SVEP1: variants seen among roughly 807,000 people sequenced by gnomAD.
SVEP1 encodes sushi, von Willebrand factor type A, EGF and pentraxin domain containing 1.
Under a neutral mutation model 367.3 loss-of-function variants are expected in SVEP1, and 164 were observed. That is an observed-to-expected ratio of 0.45 (90% CI 0.39 to 0.51). SVEP1 has a LOEUF of 0.51. Ranked by LOEUF, SVEP1 falls within the 20% of genes least tolerant of loss-of-function variation. The pLI is 0.00. For missense variants in SVEP1, 4,117 were observed against 4,425.3 expected (o/e 0.93, Z 1.98); for synonymous variants, 1,666 against 1,611.6 (o/e 1.03, Z -0.81).
At position 110,566,920 on chromosome 9, in the gene SVEP1, ATCTG is replaced by A. The variant is rs567239019; in HGVS notation, c.531+12089_531+12092del. 4.6e-5 allele frequency among the ~76,000 whole-genome samples: 7 copies of A among 152,312 alleles called. No homozygotes were observed. In the East Asian group the frequency reaches 1.3e-3, roughly 29 times the overall value. Reference sequence around the variant, plus strand: ...TGTGGGAAAACAGGTAGGAGTCCACATCTGTCTGAGATCCTTCCAAACACTTTAT... The same window carrying A: ...TGTGGGAAAACAGGTAGGAGTCCACATCTGAGATCCTTCCAAACACTTTAT... On this transcript the variant is annotated intron_variant, in intron 1 of 47. Transcript: ENST00000374469.
chr9:110,481,286 C>T lies in SVEP1; in HGVS notation c.2321G>A (p.Gly774Asp), dbSNP rs767206063. Residue 774 changes from glycine to aspartate, a missense_variant, in exon 12 of 48, where the codon GGC (glycine) becomes GAC (aspartate). By Grantham distance (94) the Gly-to-Asp change is moderately conservative. Transcript: ENST00000374469. ...AGTGGTATATGTTGGTTTCCAGACG[C>T]CATCTTCATAAGCACAATAATACTT... ...TDKYYCAYED[G>D]VWKPTYTTEW... is the part of the protein sequence containing the mutation. The T allele has an allele frequency of 1.9e-6, 3 of 1,605,014 alleles. No individual in the cohort carries two copies. Among genetic ancestry groups the T allele is most frequent in the Admixed American group, 1.7e-5 (1 of 58,940 alleles).
chr9:110,445,688 T>G, intron 26 of SVEP1, 149 bp downstream of exon 26: 1 of 801,088 alleles, frequency 1.2e-6, no homozygotes, highest in Non-Finnish European at 2.0e-6. Flanking sequence ...CTTAAAGAAC[T>G]TGTTCAGATG....
chr9:110,400,229 T>C (rs1375165133), intron 40 of SVEP1, among the ~76,000 whole-genome samples: 1 of 152,218 alleles, frequency 6.6e-6, no homozygotes, highest in Non-Finnish European at 1.5e-5. Context: ...TGGACTTCCC[T>C]GTTGCAGAAT....
chr9:110,450,388 A>G, intron 23 of SVEP1, 128 bp from the exon 24 acceptor site: 12 of 941,636 alleles, frequency 1.3e-5, no homozygotes, highest in Non-Finnish European at 1.9e-5. Flanking sequence ...AGCCCATCAA[A>G]CTGGTTTGAG....
At chr9:110,562,232 C>CA (rs534309080) in intron 1 of SVEP1, among the ~76,000 whole-genome samples, 15,597 of 143,952 alleles carry the variant, frequency 0.11, 1,110 homozygotes, top group East Asian at 0.34. Context: ...ATATGAATAG[C>CA]AAAAACAAAA....
At chr9:110,455,887 A>C in intron 21 of SVEP1, among the ~76,000 whole-genome samples, 184 bp from the exon 22 acceptor site, 1 of 152,252 alleles carries the variant, frequency 6.6e-6, no homozygotes, top group Non-Finnish European at 1.5e-5. Context: ...CTTTCTAAAC[A>C]AATTTAAGAT....
At chr9:110,398,342 T>A (rs1023560666) in intron 40 of SVEP1, among the ~76,000 whole-genome samples, 3 of 152,078 alleles carry the variant, frequency 2.0e-5, no homozygotes, top group Non-Finnish European at 4.4e-5. Context: ...AAAAATTAAT[T>A]CAAGATGGAT....
Position 110,375,298 on chromosome 9 carries a change from C to T in SVEP1, c.10600+70G>A, listed in dbSNP as rs1827333127. The T allele has an allele frequency of 3.7e-6, 5 of 1,351,112 alleles. No homozygotes were observed. The South Asian group carries it at 6.7e-5, about 18-fold the overall frequency. The allele number at this position is 1,351,112 out of a possible 1,614,324, so 83.7% of individuals were successfully genotyped here. ...TGCCACCACTTCTGAGTCTAAGTCA[C>T]ACTCTTCAATGTCCTCTGGAGTTTC... On this transcript the variant is annotated intron_variant, in intron 46 of 47. Coordinates refer to ENST00000374469, the MANE Select transcript of SVEP1 (RefSeq NM_153366.4).
At chr9:110,430,174 A>G (rs1828329508) in intron 33 of SVEP1, 100 bp downstream of exon 33, 4 of 1,327,148 alleles carry the variant, frequency 3.0e-6, no homozygotes, top group African/African-American at 1.5e-5. Context: ...CCTCAGTTCA[A>G]ATACAAAGAA....
At chr9:110,446,681 TC>T (rs530863708) in intron 25 of SVEP1, among the ~76,000 whole-genome samples, 26 of 152,010 alleles carry the variant, frequency 1.7e-4, no homozygotes, top group Non-Finnish European at 3.4e-4. Context: ...TTTCTCTATT[TC>T]CCCCCTAAAT....
chr9:110,450,310 A>G (rs996803367), intron 23 of SVEP1, 50 bp from the exon 24 acceptor site: 1 of 1,579,652 alleles, frequency 6.3e-7, no homozygotes, highest in African/African-American at 1.3e-5. Flanking sequence ...ACTCCCTGGG[A>G]ACACTGTAAC....
In SVEP1 at chr9:110,407,081, G is replaced by T. The variant is rs767320138; in HGVS notation, c.8519C>A (p.Ala2840Asp). 6.2e-7 allele frequency: 1 copy of T among 1,613,958 alleles called. No individual in the cohort carries two copies. The highest frequency in any genetic ancestry group is 8.5e-7 in the Non-Finnish European group (1 of 1,179,884). ...PVDCSSPPVS[A>D]NGQVRGDEYT... ...CTCGTCTCCTCTCACCTGGCCATTG[G>T]CTGAGACTGGGGGTGAACTGCAGTC... The change falls in exon 38 of 48, where the codon GCC (alanine) becomes GAC (aspartate). Residue 2840 changes from alanine to aspartate, a missense_variant. Around this residue, in one of 4 missense-constraint regions of SVEP1, gnomAD observed 1,765 missense variants for 1,781.1 expected, o/e 0.99. Coordinates refer to ENST00000374469, the MANE Select transcript of SVEP1 (RefSeq NM_153366.4).
intron 26 of SVEP1, 70 bp from the exon 27 acceptor site, chr9:110,443,790 T>C (rs1421245089): frequency 1.5e-6 from 2 of 1,319,284 alleles, no homozygotes; most frequent in Non-Finnish European, 2.0e-6. Flanking sequence ...TGGGGCATGC[T>C]ACAATTTTTC....
In SVEP1 at chr9:110,579,648, G is replaced by A; in HGVS notation, c.-105C>T. 1 of 1,338,260 alleles carries A rather than the reference G, an allele frequency of 7.5e-7. No homozygotes were observed. The highest frequency in any genetic ancestry group is 9.7e-7 in the Non-Finnish European group (1 of 1,028,840). The allele number at this position is 1,338,260 out of a possible 1,614,324, so 82.9% of individuals were successfully genotyped here. A position where few individuals can be genotyped will look rare whatever the true frequency, so the allele number is the denominator to read the frequency against. Reference sequence around the variant, plus strand: ...GAGGGGCGTGCGCGGAGCTGGGCGCGGGGCAGCGGCCAAGAGCCTCAGCGC... The same window carrying A: ...GAGGGGCGTGCGCGGAGCTGGGCGCAGGGCAGCGGCCAAGAGCCTCAGCGC... On this transcript the variant is annotated 5_prime_UTR_variant, in exon 1 of 48. Transcript: ENST00000374469. This position sits in a 1 kb window ranked among gnomAD's most constrained non-coding sequence, Gnocchi z 5.3.
chr9:110,510,732 C>T (rs999175383), intron 5 of SVEP1, among the ~76,000 whole-genome samples: 1 of 152,202 alleles, frequency 6.6e-6, no homozygotes, highest in African/African-American at 2.4e-5. Context: ...TGGAAGGCTA[C>T]TGAGTGGCAA....
At chr9:110,528,142 G>GTA (rs1829965723) in intron 3 of SVEP1, among the ~76,000 whole-genome samples, 7 of 39,270 alleles carry the variant, frequency 1.8e-4, no homozygotes, top group African/African-American at 5.6e-4. Flanking sequence ...GTGTGTGTGT[G>GTA]TGTGTGTGTG....
At chr9:110,491,127 T>C (rs1829359644) in intron 8 of SVEP1, among the ~76,000 whole-genome samples, 1 of 151,934 alleles carries the variant, frequency 6.6e-6, no homozygotes, top group Non-Finnish European at 1.5e-5. Flanking sequence ...TATTTTAAAA[T>C]CCATCTATTA....
At chr9:110,455,287 A>G (rs544211500) in intron 22 of SVEP1, among the ~76,000 whole-genome samples, 1 of 152,320 alleles carries the variant, frequency 6.6e-6, no homozygotes, top group Non-Finnish European at 1.5e-5. Context: ...ATGAAGAAAC[A>G]GGTTCAGTGA....
At chr9:110,455,073 C>A (rs764915345) in intron 22 of SVEP1, among the ~76,000 whole-genome samples, 49 of 152,292 alleles carry the variant, frequency 3.2e-4, no homozygotes, top group Non-Finnish European at 6.3e-4. Context: ...TGGTCCATAA[C>A]AATTTCAAGG....
Sources: allele counts gnomAD v4.1 joint callset (sites outside exome capture counted in the v4.1 genomes callset), GRCh38; gene constraint gnomAD v4.1.1; regional missense constraint gnomAD v4.1.1; non-coding constraint Gnocchi (gnomAD v3.1); transcripts MANE v1.5; gene names NCBI Gene and HGNC (gene_info 2026-07-23, HGNC 2026-07-21).